PLXDC2: variants seen among roughly 807,000 people sequenced by gnomAD.
PLXDC2 encodes the protein plexin domain-containing protein 2.
In PLXDC2, 40 loss-of-function variants were observed where a neutral mutation model predicts 68.9. That is an observed-to-expected ratio of 0.58 (90% confidence interval 0.45 to 0.76). PLXDC2 has a LOEUF of 0.76. Ranked by LOEUF, PLXDC2 falls within the 30% of genes least tolerant of loss-of-function variation. The pLI, the probability that PLXDC2 is intolerant of heterozygous loss-of-function variation, is 0.00. For missense variants in PLXDC2, 644 were observed against 661.9 expected (o/e 0.97, Z 0.30); for synonymous variants, 243 against 234.2 (o/e 1.04, Z -0.34).
At chr10:19,981,111 TAA>T (rs1281153440) in intron 1 of PLXDC2, among the ~76,000 whole-genome samples, 2 of 152,188 alleles carry the variant, frequency 1.3e-5, no homozygotes, top group African/African-American at 4.8e-5. Context: ...GAACCATTAT[TAA>T]GAGTAGTTAC....
At chr10:20,003,272 C>A (rs1247258277) in intron 2 of PLXDC2, among the ~76,000 whole-genome samples, 1 of 152,150 alleles carries the variant, frequency 6.6e-6, no homozygotes, top group African/African-American at 2.4e-5. Context: ...CCAGTTTGCT[C>A]AGGCACGGCT....
chr10:20,168,507 T>G (rs780162704), intron 7 of PLXDC2, among the ~76,000 whole-genome samples: 5 of 152,190 alleles, frequency 3.3e-5, no homozygotes, highest in Non-Finnish European at 7.4e-5. Context: ...CTCTGGAACT[T>G]CAGTGCTTTC....
chr10:20,184,977 A>G (rs1053374586), intron 9 of PLXDC2, among the ~76,000 whole-genome samples: 1 of 151,812 alleles, frequency 6.6e-6, no homozygotes, highest in African/African-American at 2.4e-5. Flanking sequence ...GGAGGGGAAC[A>G]TCACACACTG....
intron 9 of PLXDC2, among the ~76,000 whole-genome samples, chr10:20,200,333 C>T (rs1318432519): frequency 1.3e-5 from 2 of 151,718 alleles, no homozygotes; most frequent in East Asian, 1.9e-4. Context: ...TTTAACCTCA[C>T]GAGTAATATA....
At chr10:20,173,013 A>G (rs1834469510) in intron 7 of PLXDC2, among the ~76,000 whole-genome samples, 1 of 152,200 alleles carries the variant, frequency 6.6e-6, no homozygotes, top group Admixed American at 6.5e-5. Flanking sequence ...AACAACTCCA[A>G]CTAGCTAATT....
intron 2 of PLXDC2, among the ~76,000 whole-genome samples, chr10:20,022,347 C>T (rs1444691871): frequency 1.3e-5 from 2 of 152,022 alleles, no homozygotes; most frequent in African/African-American, 2.4e-5. Context: ...ACAAATAAAT[C>T]CATGATTTTA....
chr10:20,014,525 T>G (rs1835177215), intron 2 of PLXDC2, among the ~76,000 whole-genome samples: 2 of 151,914 alleles, frequency 1.3e-5, no homozygotes, highest in African/African-American at 4.8e-5. Context: ...GTAAATCTGT[T>G]TATTTCAGGA....
intron 2 of PLXDC2, among the ~76,000 whole-genome samples, chr10:20,029,577 C>CA (rs527459520): frequency 1.7e-4 from 25 of 150,900 alleles, no homozygotes; most frequent in African/African-American, 6.1e-4. Flanking sequence ...AAGACAGAAC[C>CA]AAAAAAATAA....
At chr10:19,966,855 A>G (rs1834271958) in intron 1 of PLXDC2, among the ~76,000 whole-genome samples, 1 of 152,104 alleles carries the variant, frequency 6.6e-6, no homozygotes, top group South Asian at 2.1e-4. Flanking sequence ...CTGGCCTGCA[A>G]TGCAGAGGCC....
chr10:19,982,765 T>C (rs7913511), intron 1 of PLXDC2, among the ~76,000 whole-genome samples: 31,193 of 151,990 alleles, frequency 0.21, 3,285 homozygotes, highest in East Asian at 0.38. Flanking sequence ...TTAGTTTTGG[T>C]GGATACACAA....
At chr10:19,991,895 T>C (rs948464115) in intron 1 of PLXDC2, among the ~76,000 whole-genome samples, 1 of 152,242 alleles carries the variant, frequency 6.6e-6, no homozygotes, top group African/African-American at 2.4e-5. Flanking sequence ...TGATTGGTCC[T>C]TGTTTACAGA....
chr10:19,900,500 A>G (rs774619140), intron 1 of PLXDC2, among the ~76,000 whole-genome samples: 85 of 152,174 alleles, frequency 5.6e-4, no homozygotes, highest in Non-Finnish European at 1.1e-3. Context: ...ACTGTGCAGT[A>G]TTTCTTCAGG....
In PLXDC2 at chr10:20,227,635, G is replaced by A. The variant is rs1040503152; in HGVS notation, c.1312+8533G>A. Among the ~76,000 whole-genome samples the A allele has an allele frequency of 2.0e-5, 3 of 152,280 alleles. No homozygotes were observed. In the East Asian group the frequency reaches 5.8e-4, roughly 30 times the overall value. ...GCCATAAAGTATCAGAATAAGTGGA[G>A]TGTCAGCATTCATAGTCTTTTACGC... On this transcript the variant is annotated intron_variant, in intron 12 of 13. Transcript: ENST00000377252.
intron 7 of PLXDC2, among the ~76,000 whole-genome samples, chr10:20,173,345 G>C (rs999375214): frequency 1.3e-5 from 2 of 152,110 alleles, no homozygotes; most frequent in African/African-American, 4.8e-5. Context: ...AGCCAAGTTA[G>C]GAGATTTCTC....
chr10:20,191,627 C>G (rs1249269876), intron 9 of PLXDC2, among the ~76,000 whole-genome samples: 1 of 149,866 alleles, frequency 6.7e-6, no homozygotes, highest in Non-Finnish European at 1.5e-5. Flanking sequence ...TGTTGTTCCC[C>G]TTCCTGTGTC....
At chr10:20,182,644 AT>A (rs1276424782) in intron 9 of PLXDC2, among the ~76,000 whole-genome samples, 1 of 151,398 alleles carries the variant, frequency 6.6e-6, no homozygotes, top group African/African-American at 2.4e-5. Context: ...GGACTATCAA[AT>A]TGGTTTTCTA....
chr10:20,258,113 T>C (rs1216745319), intron 13 of PLXDC2, among the ~76,000 whole-genome samples: 1 of 149,274 alleles, frequency 6.7e-6, no homozygotes, highest in Non-Finnish European at 1.5e-5. Context: ...GCAATTCTCC[T>C]GCCTCCGCCT....
chr10:20,179,663 T>C (rs1041824903), intron 9 of PLXDC2, among the ~76,000 whole-genome samples: 5 of 152,142 alleles, frequency 3.3e-5, no homozygotes, highest in African/African-American at 1.2e-4. Flanking sequence ...TTTGATGAAA[T>C]ATATGTTTAA....
chr10:20,216,834 G>A (rs1835144269), intron 10 of PLXDC2, among the ~76,000 whole-genome samples: 1 of 152,184 alleles, frequency 6.6e-6, no homozygotes, highest in Non-Finnish European at 1.5e-5. Context: ...CTGCTAAGGA[G>A]GAAAATAGGC....
Sources: allele counts gnomAD v4.1 joint callset (sites outside exome capture counted in the v4.1 genomes callset), GRCh38; gene constraint gnomAD v4.1.1; transcripts MANE v1.5; gene names NCBI Gene and HGNC (gene_info 2026-07-23, HGNC 2026-07-21).